WASL: variants seen among roughly 807,000 people sequenced by gnomAD.
The protein encoded by WASL is WASP like actin nucleation promoting factor, also known as actin nucleation-promoting factor WASL.
In WASL, 20 loss-of-function variants were observed where a neutral mutation model predicts 55.5. That is an observed-to-expected ratio of 0.36 (90% CI 0.25 to 0.52). The LOEUF is 0.52. Ranked by LOEUF, WASL falls within the 20% of genes least tolerant of loss-of-function variation. The probability of loss-of-function intolerance (pLI) is 0.92; values close to 1 mark genes in which losing one functional copy is unlikely to be tolerated. For synonymous variants in WASL, 249 were observed against 217.6 expected (o/e 1.14, Z -1.27); for missense variants, 504 against 622.5 (o/e 0.81, Z 2.03).
intron 5 of WASL, among the ~76,000 whole-genome samples, chr7:123,700,141 A>G (rs1304191901): frequency 7.9e-6 from 1 of 126,488 alleles, no homozygotes; most frequent in Non-Finnish European, 1.6e-5. Flanking sequence ...GCGCCACTGC[A>G]CTCCAGCCTG....
At chr7:123,699,239 G>C (rs546263915) in intron 5 of WASL, among the ~76,000 whole-genome samples, 1 of 152,098 alleles carries the variant, frequency 6.6e-6, no homozygotes, top group African/African-American at 2.4e-5. Flanking sequence ...TTAGCCGGGC[G>C]TGGTGGTGTG....
intron 1 of WASL, among the ~76,000 whole-genome samples, chr7:123,737,012 G>A (rs12531955): frequency 0.43 from 65,695 of 152,018 alleles, 14,742 homozygotes; most frequent in South Asian, 0.66. Context: ...ATAAACAAAT[G>A]AAAGAAATAG....
chr7:123,741,140 C>G (rs570535688), intron 1 of WASL, among the ~76,000 whole-genome samples: 2 of 152,244 alleles, frequency 1.3e-5, no homozygotes, highest in East Asian at 3.9e-4. Flanking sequence ...TGGTTCTTGC[C>G]TTGTACCCTG....
Position 123,722,957 on chromosome 7 carries a change from T to C in WASL, c.118-13734A>G, listed in dbSNP as rs1584868638. ...GAATCAGGAATGTCCCAGGGAAGAATAGTGTTATGACTGAAAGCACAGACT... is the reference window on the plus strand; with the variant it reads ...GAATCAGGAATGTCCCAGGGAAGAACAGTGTTATGACTGAAAGCACAGACT... On this transcript the variant is annotated intron_variant, in intron 1 of 10. Transcript: ENST00000223023. Among the ~76,000 whole-genome samples, 9 of 152,124 alleles carry C rather than the reference T, an allele frequency of 5.9e-5. No homozygotes were observed. In the South Asian group the frequency reaches 1.5e-3, roughly 25 times the overall value.
chr7:123,748,107 G>A (rs1291116619), intron 1 of WASL, among the ~76,000 whole-genome samples: 31 of 152,078 alleles, frequency 2.0e-4, no homozygotes, highest in Admixed American at 2.0e-3. Context: ...TCCGAAGAGA[G>A]CCCAGGCTCT....
chr7:123,684,129 T>C lies in WASL; in HGVS notation c.*390A>G, dbSNP rs1003344513. 1.3e-5 allele frequency: 2 copies of C among 148,754 alleles called. No individual in the cohort carries two copies. Among genetic ancestry groups the C allele is most frequent in the African/African-American group, 4.9e-5 (2 of 41,040 alleles). 9.2% of individuals were successfully genotyped at this position (148,754 alleles called of 1,614,324 possible). On this transcript the variant is annotated 3_prime_UTR_variant, in exon 11 of 11. Coordinates refer to ENST00000223023, the MANE Select transcript of WASL (RefSeq NM_003941.4). ...AAAAAGAATGTAGTGCTATACTAGA[T>C]TTTTTTTTAAGAAAATTTAGGTACA...
chr7:123,732,008 G>A (rs1361453169), intron 1 of WASL, among the ~76,000 whole-genome samples: 1 of 152,122 alleles, frequency 6.6e-6, no homozygotes, highest in East Asian at 1.9e-4. Context: ...GAAAAAAAGA[G>A]AAAAGACACA....
chr7:123,742,588 G>T (rs1329971053), intron 1 of WASL, among the ~76,000 whole-genome samples: 1 of 152,050 alleles, frequency 6.6e-6, no homozygotes, highest in African/African-American at 2.4e-5. Context: ...TAGGATTCTA[G>T]ATGGAATTGG....
chr7:123,684,586 A>G lies in WASL; in HGVS notation c.1457-6T>C. 1 of 1,498,532 alleles carries G rather than the reference A, an allele frequency of 6.7e-7. No homozygotes were observed. Among genetic ancestry groups the G allele is most frequent in the Non-Finnish European group, 9.0e-7 (1 of 1,111,558 alleles). The allele number at this position is 1,498,532 out of a possible 1,614,324, so 92.8% of individuals were successfully genotyped here. A position where few individuals can be genotyped will look rare whatever the true frequency, so the allele number is the denominator to read the frequency against. ...ATCTTCATCTTCATCTTCATCTACA[A>G]GAAAATCAAGACAATTAAAACATAT... is the stretch of plus-strand genomic sequence containing the variant. On this transcript the variant is annotated splice_polypyrimidine_tract_variant and splice_region_variant and intron_variant, in intron 10 of 10. Transcript: ENST00000223023.
intron 1 of WASL, among the ~76,000 whole-genome samples, chr7:123,733,100 G>A (rs1354004567): frequency 6.6e-6 from 1 of 152,058 alleles, no homozygotes; most frequent in Non-Finnish European, 1.5e-5. Flanking sequence ...CCTAATACTG[G>A]GAACAAAGTA....
intron 1 of WASL, among the ~76,000 whole-genome samples, chr7:123,721,777 G>A (rs1562963159): frequency 6.6e-6 from 1 of 152,186 alleles, no homozygotes; most frequent in Non-Finnish European, 1.5e-5. Flanking sequence ...GTCAGGCGTG[G>A]TGGCGGGCGC....
intron 1 of WASL, among the ~76,000 whole-genome samples, chr7:123,710,760 ACTGGGT>A (rs2116792142): frequency 6.6e-6 from 1 of 152,284 alleles, no homozygotes; most frequent in South Asian, 2.1e-4. Context: ...ATCCTGGGAC[ACTGGGT>A]TTCAAAGAGG....
intron 6 of WASL, among the ~76,000 whole-genome samples, chr7:123,696,297 C>T (rs1034746662): frequency 6.6e-6 from 1 of 151,356 alleles, no homozygotes; most frequent in African/African-American, 2.4e-5. Context: ...AGTGAGAAAT[C>T]ATTTTTATGT....
chr7:123,712,834 C>T (rs1200419404), intron 1 of WASL, among the ~76,000 whole-genome samples: 1 of 152,186 alleles, frequency 6.6e-6, no homozygotes, highest in Non-Finnish European at 1.5e-5. Flanking sequence ...TTCTATCCTG[C>T]ATAAGACTTA....
chr7:123,717,853 T>C (rs1803871186), intron 1 of WASL, among the ~76,000 whole-genome samples: 1 of 152,178 alleles, frequency 6.6e-6, no homozygotes, highest in South Asian at 2.1e-4. Flanking sequence ...TTTCAACTCA[T>C]CCATTGTTGC....
chr7:123,689,006 GTCTCTCTCTCTCTC>G (rs3035629), intron 10 of WASL, 22 bp downstream of exon 10: 94 of 1,278,996 alleles, frequency 7.3e-5, no homozygotes, highest in East Asian at 1.4e-4. Flanking sequence ...CACTCTCTCT[GTCTCTCTCTCTCTC>G]TCTCTCTCTC....
chr7:123,712,668 GCT>G (rs1803777451), intron 1 of WASL, among the ~76,000 whole-genome samples: 1 of 152,018 alleles, frequency 6.6e-6, no homozygotes, highest in South Asian at 2.1e-4. Context: ...ATGACCCTTA[GCT>G]CTCTTTCACA....
intron 4 of WASL, among the ~76,000 whole-genome samples, chr7:123,705,089 GA>G (rs1803647867): frequency 6.6e-6 from 1 of 152,222 alleles, no homozygotes; most frequent in Non-Finnish European, 1.5e-5. Context: ...ATAGAAAAGA[GA>G]TAGTAAAAAG....
chr7:123,712,045 T>A (rs904164434), intron 1 of WASL, among the ~76,000 whole-genome samples: 1 of 152,184 alleles, frequency 6.6e-6, no homozygotes, highest in African/African-American at 2.4e-5. Flanking sequence ...TCCCTCCCAC[T>A]GTCCTTCTGC....
Sources: allele counts gnomAD v4.1 joint callset (sites outside exome capture counted in the v4.1 genomes callset), GRCh38; gene constraint gnomAD v4.1.1; transcripts MANE v1.5; gene names NCBI Gene and HGNC (gene_info 2026-07-23, HGNC 2026-07-21).